Variants in DNAJC7 observed in about 807,000 individuals in gnomAD.
DNAJC7 encodes dnaJ homolog subfamily C member 7.
A neutral mutation model predicts 67.4 loss-of-function variants in DNAJC7; 18 were observed. That is an observed-to-expected ratio of 0.27 (90% confidence interval 0.18 to 0.40). The LOEUF is 0.40. DNAJC7 is among the 10% of genes least tolerant of loss of function. The pLI, the probability that DNAJC7 is intolerant of heterozygous loss-of-function variation, is 1.00. For missense variants in DNAJC7, 419 were observed against 613.8 expected, an observed-to-expected ratio of 0.68 and a Z score of 3.35; for synonymous variants, 220 against 207.8, an observed-to-expected ratio of 1.06 and a Z score of -0.50.
intron 13 of DNAJC7, 185 bp from the exon 14 acceptor site, chr17:41,976,955 G>A (rs1360935770): frequency 1.9e-5 from 13 of 701,824 alleles, no homozygotes; most frequent in Non-Finnish European, 3.0e-5. Context: ...TTATACATGG[G>A]TAGCTTCTGA....
chr17:41,981,403 C>G (rs1245343703), intron 12 of DNAJC7, among the ~76,000 whole-genome samples: 2 of 152,158 alleles, frequency 1.3e-5, no homozygotes, highest in African/African-American at 4.8e-5. Flanking sequence ...ACCATGTTGG[C>G]CAGGCTGGTC....
At position 41,981,849 on chromosome 17, in the gene DNAJC7, A is replaced by G; in HGVS notation, c.1384+6T>C. 2 of 1,611,018 alleles carry G rather than the reference A, an allele frequency of 1.2e-6. No homozygotes were observed. The highest frequency in any genetic ancestry group is 1.7e-6 in the Non-Finnish European group (2 of 1,178,938). Reference sequence around the variant, plus strand: ...AATTCATCCCAGGCTGCCCCAGCCAACTCACCACCCATATTCATGCCCTCC... The same window carrying G: ...AATTCATCCCAGGCTGCCCCAGCCAGCTCACCACCCATATTCATGCCCTCC... On this transcript the variant is annotated splice_donor_region_variant and intron_variant, in intron 12 of 13. Coordinates refer to ENST00000457167, the MANE Select transcript of DNAJC7 (RefSeq NM_003315.4).
intron 9 of DNAJC7, among the ~76,000 whole-genome samples, chr17:41,987,211 T>G (rs1262620101): frequency 6.6e-6 from 1 of 152,162 alleles, no homozygotes; most frequent in Admixed American, 6.5e-5. Flanking sequence ...AGGCACATCC[T>G]GGCTCATAAT....
chr17:42,005,660 T>A (rs2051928006), intron 1 of DNAJC7, among the ~76,000 whole-genome samples: 1 of 152,240 alleles, frequency 6.6e-6, no homozygotes, highest in African/African-American at 2.4e-5. Context: ...CATGGTTTCA[T>A]TATTCTGCAA....
At chr17:41,989,002 G>T in intron 7 of DNAJC7, 106 bp from the exon 8 acceptor site, 1 of 1,352,278 alleles carries the variant, frequency 7.4e-7, no homozygotes, top group Non-Finnish European at 1.0e-6. Flanking sequence ...CAGCAGTTCA[G>T]CATCACAGAG....
Position 41,977,264 on chromosome 17 carries a change from CA to C in DNAJC7, c.1443del (p.Phe481LeufsTer31), listed in dbSNP as rs1350030662. ...CAAGAACAGCAGGCCCACCTACCTT[CA>C]AAGCTGAAGCCGCCAGGACCGCCAA... ...AFFGGPGGFSFEASGPGNFFF... is the reference protein window; with the variant it reads ...AFFGGPGGFSXEASGPGNFFF... On this transcript the variant is annotated frameshift_variant, in exon 13 of 14. Coordinates refer to ENST00000457167, the MANE Select transcript of DNAJC7 (RefSeq NM_003315.4). LOFTEE classifies it high-confidence loss of function. The C allele has an allele frequency of 6.3e-7, 1 of 1,579,716 alleles. No homozygotes were observed. The highest frequency in any genetic ancestry group is 1.3e-5 in the African/African-American group (1 of 74,122).
chr17:42,015,476 G>C (rs1186723766), intron 1 of DNAJC7: 5 of 152,084 alleles, frequency 3.3e-5, no homozygotes, highest in Admixed American at 3.3e-4. Context: ...CTTAAGATAG[G>C]AGGCTATGAA....
At chr17:41,983,505 G>T in intron 10 of DNAJC7, 58 bp downstream of exon 10, 1 of 1,446,874 alleles carries the variant, frequency 6.9e-7, no homozygotes, top group Non-Finnish European at 9.5e-7. Flanking sequence ...CTTGTGTACA[G>T]ATTTATGGCC....
intron 5 of DNAJC7, among the ~76,000 whole-genome samples, chr17:41,994,519 CA>C (rs68006925): frequency 0.046 from 1,732 of 37,928 alleles, 13 homozygotes; most frequent in African/African-American, 0.11. Flanking sequence ...GACTAGGCCT[CA>C]AAAAAAAAAA....
rs1555648365 is a variant in DNAJC7 at position 41,994,919 on chromosome 17, T to C, written c.431A>G (p.Glu144Gly). 1 of 1,613,978 alleles carries C rather than the reference T, an allele frequency of 6.2e-7. No homozygotes were observed. Among genetic ancestry groups the C allele is most frequent in the Non-Finnish European group, 8.5e-7 (1 of 1,179,874 alleles). Residue 144 changes from glutamate to glycine, a missense_variant, in exon 5 of 14, where the codon GAA (glutamate) becomes GGA (glycine). Around this residue, in one of 4 missense-constraint regions of DNAJC7, gnomAD observed 179 missense variants for 249.7 expected, o/e 0.72. Transcript: ENST00000457167. Reference sequence around the variant, plus strand: ...ATCTGTTTCTGCTATTTTCTCATATTCCATGACTGCATTAGCATTCTTGAA... The same window carrying C: ...ATCTGTTTCTGCTATTTTCTCATATCCCATGACTGCATTAGCATTCTTGAA... ...QEFKNANAVM[E>G]YEKIAETDFE...
rs1390480782 is a variant in DNAJC7, at chr17:41,976,551, C to T, written c.*182G>A. The T allele has an allele frequency of 8.8e-6, 6 of 678,012 alleles. No homozygotes were observed. Among genetic ancestry groups the T allele is most frequent in the Admixed American group, 7.5e-5 (2 of 26,790 alleles). The allele number at this position is 678,012 out of a possible 1,614,324, so 42.0% of individuals were successfully genotyped here. ...CACCCCCGCCTCCCTCCCCTGCCCT[C>T]GGTCTTCGGCATTGGTTCCCTTTGC... On this transcript the variant is annotated 3_prime_UTR_variant, in exon 14 of 14. Coordinates refer to ENST00000457167, the MANE Select transcript of DNAJC7 (RefSeq NM_003315.4).
At chr17:41,992,072 C>G (rs2051522475) in intron 5 of DNAJC7, among the ~76,000 whole-genome samples, 2 of 152,234 alleles carry the variant, frequency 1.3e-5, no homozygotes, top group African/African-American at 4.8e-5. Context: ...ACATTACCAG[C>G]TGTTTCACTG....
chr17:41,994,275 G>T (rs1186351123), intron 5 of DNAJC7, among the ~76,000 whole-genome samples: 2 of 152,132 alleles, frequency 1.3e-5, no homozygotes, highest in African/African-American at 4.8e-5. Flanking sequence ...GGCAGAGGTT[G>T]CAGTGAGCCG....
chr17:41,989,278 A>T, intron 7 of DNAJC7, 126 bp downstream of exon 7: 1 of 1,312,454 alleles, frequency 7.6e-7, no homozygotes, highest in South Asian at 1.5e-5. Context: ...ATAAAGACCA[A>T]GCATCCTTGC....
chr17:41,999,316 G>T (rs868992722), intron 2 of DNAJC7, among the ~76,000 whole-genome samples: 8 of 151,984 alleles, frequency 5.3e-5, no homozygotes, highest in African/African-American at 1.7e-4. Context: ...TGCATGTTGA[G>T]TTGGGGTAAG....
At chr17:41,986,092 T>C (rs1283697927) in intron 9 of DNAJC7, 5 of 90,678 alleles carry the variant, frequency 5.5e-5, no homozygotes, top group African/African-American at 1.9e-4. Context: ...CCGGGCGCGG[T>C]GGCTCACACC....
chr17:42,016,835 A>C, intron 1 of DNAJC7: 2 of 536,428 alleles, frequency 3.7e-6, no homozygotes, highest in Non-Finnish European at 4.9e-6. Context: ...GGGGGCAACC[A>C]GGTCAATTAT....
intron 10 of DNAJC7, among the ~76,000 whole-genome samples, 172 bp downstream of exon 10, chr17:41,983,391 T>G (rs1555646285): frequency 1.3e-5 from 2 of 152,158 alleles, no homozygotes; most frequent in Non-Finnish European, 2.9e-5. Context: ...CCCAAAGTGC[T>G]GGGGATTACA....
intron 4 of DNAJC7, 49 bp from the exon 5 acceptor site, chr17:41,994,993 A>G (rs782277152): frequency 1.3e-6 from 2 of 1,511,480 alleles, no homozygotes; most frequent in East Asian, 2.3e-5. Flanking sequence ...GCTGTAGATT[A>G]AACAACCACA....
Sources: gnomAD v4.1 joint callset for allele counts (sites outside exome capture counted in the v4.1 genomes callset) on GRCh38, gnomAD v4.1.1 for gene constraint, gnomAD v4.1.1 regional missense constraint, MANE v1.5 for transcripts, NCBI Gene and HGNC (gene_info 2026-07-23, HGNC 2026-07-21) for gene names.